FNBP1L: variants seen among roughly 807,000 people sequenced by gnomAD.
The protein encoded by FNBP1L is formin binding protein 1 like, also known as formin-binding protein 1-like.
In FNBP1L, 36 loss-of-function variants were observed where a neutral mutation model predicts 91.2. The observed-to-expected ratio is 0.39, with a 90% confidence interval of 0.30 to 0.52. FNBP1L has a LOEUF of 0.52. FNBP1L is among the 20% of genes least tolerant of loss of function. FNBP1L has a pLI of 0.66. For missense variants in FNBP1L, 571 were observed against 732.1 expected (o/e 0.78, Z 2.54); for synonymous variants, 242 against 237.0 (o/e 1.02, Z -0.19).
At chr1:93,461,576 A>G (rs1179551810) in intron 1 of FNBP1L, among the ~76,000 whole-genome samples, 1 of 152,150 alleles carries the variant, frequency 6.6e-6, no homozygotes, top group African/African-American at 2.4e-5. Context: ...GAACAACATC[A>G]ACAATGTTTG....
At chr1:93,466,957 A>G (rs1345479980) in intron 1 of FNBP1L, among the ~76,000 whole-genome samples, 1 of 152,094 alleles carries the variant, frequency 6.6e-6, no homozygotes, top group Non-Finnish European at 1.5e-5. Flanking sequence ...CCCAGATTCA[A>G]GCTATTCTCC....
intron 2 of FNBP1L, among the ~76,000 whole-genome samples, chr1:93,501,928 CAA>C (rs746637745): frequency 6.1e-4 from 91 of 149,308 alleles, no homozygotes; most frequent in Non-Finnish European, 1.2e-3. Context: ...GGTGTTTGCA[CAA>C]AACTCTTCAT....
At chr1:93,466,748 G>T (rs1669093729) in intron 1 of FNBP1L, among the ~76,000 whole-genome samples, 1 of 152,164 alleles carries the variant, frequency 6.6e-6, no homozygotes, top group Non-Finnish European at 1.5e-5. Context: ...GAAAGTCATT[G>T]GTAGCTTGAT....
intron 8 of FNBP1L, among the ~76,000 whole-genome samples, chr1:93,534,504 G>A (rs1301412643): frequency 6.6e-6 from 1 of 152,050 alleles, no homozygotes. Context: ...GTTGTAATTT[G>A]CAAGTATATT....
intron 4 of FNBP1L, 104 bp downstream of exon 4, chr1:93,523,595 A>G (rs748806942): frequency 2.5e-5 from 24 of 973,222 alleles, no homozygotes; most frequent in Non-Finnish European, 3.4e-5. Context: ...TGGTTTTTCT[A>G]TTTCACTACA....
At chr1:93,510,083 G>A (rs1188080799) in intron 2 of FNBP1L, among the ~76,000 whole-genome samples, 1 of 152,204 alleles carries the variant, frequency 6.6e-6, no homozygotes, top group East Asian at 1.9e-4. Context: ...AAAGCAGCCA[G>A]GAAGCTCAAA....
rs533920548 is a variant in FNBP1L at position 93,474,787 on chromosome 1, GT to G, written c.25-24674del. 2.6e-5 allele frequency among the ~76,000 whole-genome samples: 4 copies of G among 152,224 alleles called. No homozygotes were observed. In the South Asian group the frequency reaches 8.3e-4, roughly 32 times the overall value. ...TGGCCAGAGCCTATAAGCCATTCTT[GT>G]TTTTTTGTTTTTAAGTTACCTTACT... is the stretch of plus-strand genomic sequence containing the variant. On this transcript the variant is annotated intron_variant, in intron 1 of 16. Transcript: ENST00000271234.
intron 1 of FNBP1L, among the ~76,000 whole-genome samples, chr1:93,483,992 G>A (rs539697227): frequency 6.6e-6 from 1 of 152,202 alleles, no homozygotes; most frequent in Non-Finnish European, 1.5e-5. Context: ...GCAGTGATGT[G>A]ATCTTGGCTC....
chr1:93,521,469 A>G (rs1158716261), intron 2 of FNBP1L, among the ~76,000 whole-genome samples: 1 of 152,140 alleles, frequency 6.6e-6, no homozygotes, highest in East Asian at 1.9e-4. Flanking sequence ...ACTGAGTGTA[A>G]TTGTTCCTGA....
At chr1:93,523,752 A>G (rs903452571) in intron 4 of FNBP1L, among the ~76,000 whole-genome samples, 5 of 152,298 alleles carry the variant, frequency 3.3e-5, no homozygotes, top group African/African-American at 1.2e-4. Context: ...AATGATTTTT[A>G]TATTTTTAGA....
At chr1:93,549,623 G>A (rs1367112761) in intron 15 of FNBP1L, among the ~76,000 whole-genome samples, 197 bp downstream of exon 15, 1 of 152,166 alleles carries the variant, frequency 6.6e-6, no homozygotes, top group African/African-American at 2.4e-5. Context: ...GGAATTAAAA[G>A]GAAATTGCCC....
At chr1:93,546,151 T>G (rs906211712) in intron 12 of FNBP1L, among the ~76,000 whole-genome samples, 1 of 151,590 alleles carries the variant, frequency 6.6e-6, no homozygotes, top group Non-Finnish European at 1.5e-5. Context: ...CATTTAAAGG[T>G]TGAACAAAGA....
chr1:93,533,317 T>C (rs1317098474), intron 8 of FNBP1L, among the ~76,000 whole-genome samples: 4 of 152,152 alleles, frequency 2.6e-5, no homozygotes, highest in Non-Finnish European at 5.9e-5. Context: ...TCAGTTCTTA[T>C]CAAAGAGTCT....
Position 93,448,232 on chromosome 1 carries a change from C to T in FNBP1L, c.-50C>T, listed in dbSNP as rs978605579. On this transcript the variant is annotated 5_prime_UTR_variant, in exon 1 of 17. Transcript: ENST00000271234. ...GTGAGAGGTCGGACAGACTGTGGAG[C>T]CGACAGACTGAAGGACAGCGGCACC... The T allele has an allele frequency of 2.2e-5, 33 of 1,520,196 alleles. No individual in the cohort carries two copies. The highest frequency in any genetic ancestry group is 2.6e-5 in the Non-Finnish European group (29 of 1,133,694). 94.2% of individuals were successfully genotyped at this position (1,520,196 alleles called of 1,614,324 possible). A position where few individuals can be genotyped will look rare whatever the true frequency, so the allele number is the denominator to read the frequency against.
intron 11 of FNBP1L, 79 bp downstream of exon 11, chr1:93,541,135 G>A: frequency 7.3e-7 from 1 of 1,363,000 alleles, no homozygotes; most frequent in Non-Finnish European, 1.0e-6. Flanking sequence ...TTCAAAACAA[G>A]TGGTAAATTA....
intron 1 of FNBP1L, among the ~76,000 whole-genome samples, chr1:93,497,024 G>A (rs1221614391): frequency 6.6e-6 from 1 of 152,058 alleles, no homozygotes; most frequent in African/African-American, 2.4e-5. Context: ...GCAGTGGCAC[G>A]ATCTCGGCTC....
At chr1:93,482,408 G>T (rs1245519251) in intron 1 of FNBP1L, among the ~76,000 whole-genome samples, 2 of 152,014 alleles carry the variant, frequency 1.3e-5, no homozygotes, top group Non-Finnish European at 2.9e-5. Flanking sequence ...GTCAAGTTAA[G>T]AATTTTAATA....
At chr1:93,551,529 C>T (rs1378999359) in intron 16 of FNBP1L, 12 of 985,656 alleles carry the variant, frequency 1.2e-5, no homozygotes, top group African/African-American at 1.7e-5. Context: ...TATGGAAAGC[C>T]GACTCCCCAA....
At position 93,529,750 on chromosome 1, in the gene FNBP1L, TGAAA is replaced by T; in HGVS notation, c.505_508del (p.Glu169ArgfsTer6). On this transcript the variant is annotated frameshift_variant and splice_region_variant, in exon 6 of 17. Coordinates refer to ENST00000271234, the MANE Select transcript of FNBP1L (RefSeq NM_001164473.3). LOFTEE classifies it high-confidence loss of function. ...ATACTAATGCAACCAAGGCAGATGTTGAAAAGGTAAGAAATACTCCAAACCAACT... is the reference window on the plus strand; with the variant it reads ...ATACTAATGCAACCAAGGCAGATGTTAGGTAAGAAATACTCCAAACCAACT... 6.6e-7 allele frequency: 1 copy of T among 1,508,842 alleles called. No homozygotes were observed. Among genetic ancestry groups the T allele is most frequent in the Non-Finnish European group, 8.8e-7 (1 of 1,130,296 alleles). 93.5% of individuals were successfully genotyped at this position (1,508,842 alleles called of 1,614,324 possible).
Sources: allele counts gnomAD v4.1 joint callset (sites outside exome capture counted in the v4.1 genomes callset), GRCh38; gene constraint gnomAD v4.1.1; transcripts MANE v1.5; gene names NCBI Gene and HGNC (gene_info 2026-07-23, HGNC 2026-07-21).